FARP1: variants seen among roughly 807,000 people sequenced by gnomAD.
FARP1 encodes FERM, ARHGEF and pleckstrin domain-containing protein 1.
In FARP1, 52 loss-of-function variants were observed where a neutral mutation model predicts 128.8. The observed-to-expected ratio is 0.40, with a 90% CI of 0.32 to 0.51. The LOEUF is 0.51. FARP1 is among the 20% of genes least tolerant of loss of function. FARP1 has a pLI of 0.45. For missense variants in FARP1, 1,333 were observed against 1,367.9 expected (o/e 0.97, Z 0.40); for synonymous variants, 580 against 551.8 (o/e 1.05, Z -0.72).
At chr13:98,390,715 G>T in intron 10 of FARP1, 97 bp from the exon 11 acceptor site, 1 of 903,826 alleles carries the variant, frequency 1.1e-6, no homozygotes. Context: ...CTCCCAGTTA[G>T]GGAAGGAGGG....
intron 2 of FARP1, among the ~76,000 whole-genome samples, chr13:98,330,521 G>A (rs1411875002): frequency 6.6e-6 from 1 of 152,088 alleles, no homozygotes. Flanking sequence ...TTGGGAGGCC[G>A]AGGCAGGTGG....
At chr13:98,253,570 G>T (rs1023824375) in intron 2 of FARP1, among the ~76,000 whole-genome samples, 2 of 152,186 alleles carry the variant, frequency 1.3e-5, no homozygotes, top group African/African-American at 4.8e-5. Context: ...CACCTCAAAA[G>T]GTGGTTGTGA....
chr13:98,165,691 A>C (rs1332807725), intron 1 of FARP1, among the ~76,000 whole-genome samples: 1 of 150,102 alleles, frequency 6.7e-6, no homozygotes, highest in African/African-American at 2.4e-5. Context: ...AAAAAAAAAA[A>C]AAAACCCTTC....
chr13:98,156,746 G>A (rs1876520954), intron 1 of FARP1, among the ~76,000 whole-genome samples: 1 of 152,022 alleles, frequency 6.6e-6, no homozygotes, highest in African/African-American at 2.4e-5. Context: ...TTTTTTTAAA[G>A]AGACAGTGTT....
intron 16 of FARP1, among the ~76,000 whole-genome samples, chr13:98,416,186 G>A (rs7988979): frequency 2.4e-4 from 37 of 152,224 alleles, no homozygotes; most frequent in African/African-American, 8.2e-4. Flanking sequence ...AGAAAACAAC[G>A]TTGGTATGTT....
chr13:98,246,463 A>C (rs1883072729), intron 2 of FARP1, among the ~76,000 whole-genome samples: 1 of 151,316 alleles, frequency 6.6e-6, no homozygotes, highest in African/African-American at 2.4e-5. Flanking sequence ...CTTGTAACTT[A>C]AAAAAAAATT....
chr13:98,422,830 C>T (rs747230794), intron 16 of FARP1, among the ~76,000 whole-genome samples: 1 of 152,088 alleles, frequency 6.6e-6, no homozygotes, highest in African/African-American at 2.4e-5. Context: ...CTCGCGTTGC[C>T]GGAGGGTTCT....
At position 98,455,072 on chromosome 13, in the gene FARP1, C is replaced by T. The variant is rs4772082; in HGVS notation, c.*6755C>T. The T allele has an allele frequency of 0.81, 123,229 of 152,184 alleles. 50,509 individuals carry two copies. Among genetic ancestry groups the T allele is most frequent in the Non-Finnish European group, 0.89 (60,269 of 68,012 alleles). The allele number at this position is 152,184 out of a possible 1,614,324, so 9.4% of individuals were successfully genotyped here. A position where few individuals can be genotyped will look rare whatever the true frequency, so the allele number is the denominator to read the frequency against. ...GAATGGAGATGTGCTAAGTGTAAAA[C>T]ACACACCAACTCCAAAGACGGTCCC... On this transcript the variant is annotated 3_prime_UTR_variant, in exon 27 of 27. Coordinates refer to ENST00000319562, the MANE Select transcript of FARP1 (RefSeq NM_005766.4).
chr13:98,167,640 C>T (rs1877363222), intron 1 of FARP1, among the ~76,000 whole-genome samples: 1 of 151,894 alleles, frequency 6.6e-6, no homozygotes, highest in African/African-American at 2.4e-5. Flanking sequence ...GAACTTCTGA[C>T]CTCAAATGAT....
chr13:98,346,060 A>T (rs560921581), intron 3 of FARP1, among the ~76,000 whole-genome samples: 60 of 152,190 alleles, frequency 3.9e-4, no homozygotes, highest in Non-Finnish European at 7.8e-4. Flanking sequence ...CACAGCAAAG[A>T]AATGGGATTG....
At chr13:98,364,600 T>C (rs1175478969) in intron 3 of FARP1, among the ~76,000 whole-genome samples, 1 of 152,174 alleles carries the variant, frequency 6.6e-6, no homozygotes, top group Admixed American at 6.5e-5. Context: ...TATATGCAAA[T>C]ATGAGCTTCT....
intron 1 of FARP1, among the ~76,000 whole-genome samples, chr13:98,210,100 G>C (rs1880586056): frequency 1.3e-5 from 2 of 152,010 alleles, no homozygotes; most frequent in Admixed American, 1.3e-4. Context: ...TTGGGAAAGG[G>C]GGAATAGTTG....
At position 98,393,063 on chromosome 13, in the gene FARP1, G is replaced by T. The variant is rs1186908561; in HGVS notation, c.1089-580G>T. On this transcript the variant is annotated intron_variant, in intron 11 of 26. Coordinates refer to ENST00000319562, the MANE Select transcript of FARP1 (RefSeq NM_005766.4). ...GACCTGAGCATTTCAGTGCCTGTTT[G>T]ATGGGGAAAAGGGGAATAGGCAGAC... Among the ~76,000 whole-genome samples, 3 of 152,156 alleles carry T rather than the reference G, an allele frequency of 2.0e-5. No homozygotes were observed. In the East Asian group the frequency reaches 5.8e-4, roughly 29 times the overall value.
At chr13:98,404,019 T>TCACCACCACCACCACCACCATCACCAC (rs879555980) in intron 13 of FARP1, 1 of 135,356 alleles carries the variant, frequency 7.4e-6, no homozygotes. Context: ...ACCACCACCA[T>TCACCACCACCACCACCACCATCACCAC]CACCACCACC....
At chr13:98,351,859 T>A (rs1322609528) in intron 3 of FARP1, among the ~76,000 whole-genome samples, 1 of 151,816 alleles carries the variant, frequency 6.6e-6, no homozygotes, top group Non-Finnish European at 1.5e-5. Context: ...GCCAAACCAC[T>A]CATGAGGGAC....
intron 1 of FARP1, among the ~76,000 whole-genome samples, chr13:98,196,757 T>A (rs1209174224): frequency 6.6e-6 from 1 of 152,220 alleles, no homozygotes; most frequent in African/African-American, 2.4e-5. Flanking sequence ...GCAGCAACAA[T>A]GTGCTGTTCA....
At chr13:98,379,236 A>G (rs549667201) in intron 6 of FARP1, among the ~76,000 whole-genome samples, 1 of 125,608 alleles carries the variant, frequency 8.0e-6, no homozygotes, top group South Asian at 2.2e-4. Context: ...ATCTATATAT[A>G]ATCTATATAT....
At chr13:98,391,561 A>G (rs918249473) in intron 11 of FARP1, among the ~76,000 whole-genome samples, 7 of 152,192 alleles carry the variant, frequency 4.6e-5, no homozygotes, top group Non-Finnish European at 8.8e-5. Context: ...AAGAGTCACC[A>G]TGCCCAGCCA....
chr13:98,418,501 C>G (rs1485035576), intron 16 of FARP1, among the ~76,000 whole-genome samples: 1 of 152,218 alleles, frequency 6.6e-6, no homozygotes, highest in East Asian at 1.9e-4. Context: ...TCTTGAACTC[C>G]TGACCTCAAG....
Sources: allele counts gnomAD v4.1 joint callset (sites outside exome capture counted in the v4.1 genomes callset), GRCh38; gene constraint gnomAD v4.1.1; transcripts MANE v1.5; gene names NCBI Gene and HGNC (gene_info 2026-07-23, HGNC 2026-07-21).